SLIT2: variants seen among roughly 807,000 people sequenced by gnomAD.
SLIT2 encodes slit homolog 2 protein.
SLIT2 carries 41 observed loss-of-function variants against 185.7 expected under a neutral mutation model. The ratio of observed to expected loss-of-function variants is 0.22; its 90% confidence interval spans 0.17 to 0.29. The LOEUF is 0.29. SLIT2 is among the 10% of genes least tolerant of loss of function. The probability of loss-of-function intolerance (pLI) is 1.00; values close to 1 mark genes in which losing one functional copy is unlikely to be tolerated. For missense variants in SLIT2, 1,571 were observed against 1,909.0 expected (o/e 0.82, Z 3.30); for synonymous variants, 693 against 680.2 (o/e 1.02, Z -0.29).
intron 4 of SLIT2, among the ~76,000 whole-genome samples, chr4:20,443,471 T>C (rs375938705): frequency 1.3e-5 from 2 of 150,386 alleles, no homozygotes; most frequent in East Asian, 3.9e-4. Flanking sequence ...CCCAAGCAGA[T>C]AACTTTTAGC....
intron 19 of SLIT2, among the ~76,000 whole-genome samples, chr4:20,540,631 A>G (rs907475766): frequency 5.9e-5 from 9 of 152,218 alleles, no homozygotes; most frequent in African/African-American, 1.9e-4. Context: ...AAGATTTCTC[A>G]GTAACGGTGG....
In SLIT2 at chr4:20,567,214, G is replaced by A. The variant is rs745980428; in HGVS notation, c.2726-48G>A. On this transcript the variant is annotated intron_variant, in intron 26 of 36. Coordinates refer to ENST00000504154, the MANE Select transcript of SLIT2 (RefSeq NM_004787.4). ...CATTAAGGCATACAAGTAATTAAAAGTAAACTGGAAGAGCGTCAGTTGCTT... is the reference window on the plus strand; with the variant it reads ...CATTAAGGCATACAAGTAATTAAAAATAAACTGGAAGAGCGTCAGTTGCTT... The A allele has an allele frequency of 1.4e-5, 22 of 1,544,230 alleles. No individual in the cohort carries two copies. The South Asian group carries it at 2.3e-4, about 16-fold the overall frequency.
chr4:20,595,057 A>C (rs925223364), intron 30 of SLIT2, among the ~76,000 whole-genome samples: 1 of 152,166 alleles, frequency 6.6e-6, no homozygotes, highest in Admixed American at 6.5e-5. Flanking sequence ...CATGGTGAAC[A>C]GGCTGAAAAC....
At chr4:20,557,331 ACTGT>A (rs1724348361) in intron 26 of SLIT2, among the ~76,000 whole-genome samples, 2 of 152,134 alleles carry the variant, frequency 1.3e-5, no homozygotes, top group East Asian at 3.9e-4. Context: ...GGACAGGCTG[ACTGT>A]CTTGTTAGGG....
intron 4 of SLIT2, among the ~76,000 whole-genome samples, chr4:20,349,877 T>A (rs557997459): frequency 6.6e-6 from 1 of 152,164 alleles, no homozygotes; most frequent in South Asian, 2.1e-4. Flanking sequence ...TCTTTCTGTC[T>A]CTTCAAGAGA....
intron 4 of SLIT2, among the ~76,000 whole-genome samples, chr4:20,349,955 T>G (rs1721727942): frequency 6.6e-6 from 1 of 152,216 alleles, no homozygotes; most frequent in South Asian, 2.1e-4. Flanking sequence ...TTGATCTGAA[T>G]CTGTATAAGT....
At chr4:20,538,892 C>T (rs949754637) in intron 18 of SLIT2, among the ~76,000 whole-genome samples, 7 of 151,576 alleles carry the variant, frequency 4.6e-5, no homozygotes, top group Admixed American at 1.3e-4. Context: ...AAACAATGAG[C>T]TAATTTTCAT....
In SLIT2 at chr4:20,539,563, C is replaced by T. The variant is rs779357180; in HGVS notation, c.1955C>T (p.Thr652Ile). Residue 652 changes from threonine (T) to isoleucine (I), a missense_variant, in exon 19 of 37, where the codon ACT becomes ATT. Transcript: ENST00000504154. ...ITTVAPGAFDTLHSLSTLNLL... is the reference protein window; with the variant it reads ...ITTVAPGAFDILHSLSTLNLL... Reference sequence around the variant, plus strand: ...ACAGTTGCACCAGGGGCATTTGATACTCTCCATTCTTTATCTACTCTGTAA... The same window carrying T: ...ACAGTTGCACCAGGGGCATTTGATATTCTCCATTCTTTATCTACTCTGTAA... 1.2e-6 allele frequency: 2 copies of T among 1,610,692 alleles called. No homozygotes were observed. The highest frequency in any genetic ancestry group is 2.2e-5 in the East Asian group (1 of 44,768).
chr4:20,572,968 CCATCTTAAACAGTAAAACTG>C (rs1182799282), intron 29 of SLIT2, among the ~76,000 whole-genome samples: 1 of 152,188 alleles, frequency 6.6e-6, no homozygotes, highest in Non-Finnish European at 1.5e-5. Context: ...CATTCAGTGT[CCATCTTAAACAGTAAAACTG>C]CTGGTTGTTC....
At chr4:20,381,213 A>C (rs566270653) in intron 4 of SLIT2, among the ~76,000 whole-genome samples, 2 of 152,312 alleles carry the variant, frequency 1.3e-5, no homozygotes, top group African/African-American at 4.8e-5. Context: ...AGGTTGCGCA[A>C]CTGGGCTCCA....
At chr4:20,435,713 A>G (rs1386037080) in intron 4 of SLIT2, among the ~76,000 whole-genome samples, 8 of 152,216 alleles carry the variant, frequency 5.3e-5, no homozygotes, top group Non-Finnish European at 1.0e-4. Context: ...TTGAAGAATA[A>G]CAGGGTGTTG....
intron 4 of SLIT2, among the ~76,000 whole-genome samples, chr4:20,452,319 C>T (rs985248945): frequency 6.6e-6 from 1 of 152,134 alleles, no homozygotes; most frequent in Non-Finnish European, 1.5e-5. Flanking sequence ...TCTAAGCTTC[C>T]ATTTCCTCGT....
intron 5 of SLIT2, among the ~76,000 whole-genome samples, chr4:20,472,276 C>CTATATATATA (rs373745680): frequency 4.6e-5 from 1 of 21,664 alleles, no homozygotes; most frequent in African/African-American, 2.8e-4. Flanking sequence ...AGATATATAT[C>CTATATATATA]TATATATATA....
intron 4 of SLIT2, among the ~76,000 whole-genome samples, chr4:20,326,831 C>T (rs1301307115): frequency 9.8e-6 from 1 of 101,752 alleles, no homozygotes; most frequent in Admixed American, 1.2e-4. Flanking sequence ...TAGAATGTGT[C>T]TTCTTTTCCT....
rs1722275370 is a variant in SLIT2, at chr4:20,254,144, G to C, written c.179+150G>C. ...CATCCTGGGGTTGAGCTCTCCGGGA[G>C]GGCACTGGCCAGGGAAGGGCCTCTG... On this transcript the variant is annotated intron_variant, in intron 1 of 36. Transcript: ENST00000504154. The surrounding 1 kb of genome is among the most constrained non-coding windows in gnomAD (Gnocchi z 5.1). 1 of 800,664 alleles carries C rather than the reference G, an allele frequency of 1.2e-6. No individual in the cohort carries two copies. Among genetic ancestry groups the C allele is most frequent in the Non-Finnish European group, 2.0e-6 (1 of 512,180 alleles). 49.6% of individuals were successfully genotyped at this position (800,664 alleles called of 1,614,324 possible). A position where few individuals can be genotyped will look rare whatever the true frequency, so the allele number is the denominator to read the frequency against.
At chr4:20,599,846 T>C (rs1373038010) in intron 33 of SLIT2, among the ~76,000 whole-genome samples, 2 of 152,252 alleles carry the variant, frequency 1.3e-5, no homozygotes, top group African/African-American at 4.8e-5. Context: ...ATGTTATTGA[T>C]ATTCTCATAT....
intron 4 of SLIT2, among the ~76,000 whole-genome samples, chr4:20,343,249 C>T (rs547052442): frequency 6.6e-6 from 1 of 152,254 alleles, no homozygotes; most frequent in Non-Finnish European, 1.5e-5. Flanking sequence ...TCTCTGATAT[C>T]TATCATTCCA....
chr4:20,485,303 G>C (rs866943673), intron 6 of SLIT2, among the ~76,000 whole-genome samples: 15 of 152,120 alleles, frequency 9.9e-5, no homozygotes, highest in African/African-American at 2.7e-4. Context: ...TCTTAGGACA[G>C]AGTATATGCC....
intron 18 of SLIT2, among the ~76,000 whole-genome samples, chr4:20,538,024 A>G (rs1722454150): frequency 1.3e-5 from 2 of 152,134 alleles, no homozygotes; most frequent in Admixed American, 1.3e-4. Flanking sequence ...CTGTGATGCT[A>G]TCTCAGCTCA....
Sources: allele counts gnomAD v4.1 joint callset (sites outside exome capture counted in the v4.1 genomes callset), GRCh38; gene constraint gnomAD v4.1.1; non-coding constraint Gnocchi (gnomAD v3.1); transcripts MANE v1.5; gene names NCBI Gene and HGNC (gene_info 2026-07-23, HGNC 2026-07-21).